FAM227B: variants seen among roughly 807,000 people sequenced by gnomAD.
FAM227B encodes protein FAM227B.
A neutral mutation model predicts 73.8 loss-of-function variants in FAM227B; 88 were observed. That is an observed-to-expected ratio of 1.19 (90% CI 1.00 to 1.42). The LOEUF (loss-of-function observed/expected upper bound fraction) is 1.42. Ranked by LOEUF, FAM227B falls within the 40% of genes most tolerant of loss-of-function variation. The pLI is 0.00. For synonymous variants in FAM227B, 210 were observed against 190.5 expected, an observed-to-expected ratio of 1.10 and a Z score of -0.84; for missense variants, 632 against 590.9, an observed-to-expected ratio of 1.07 and a Z score of -0.72.
chr15:49,523,400 C>T (rs2059925020), intron 10 of FAM227B, among the ~76,000 whole-genome samples: 1 of 152,178 alleles, frequency 6.6e-6, no homozygotes, highest in Admixed American at 6.5e-5. Flanking sequence ...TCTCTCTTTG[C>T]CTGCTGCCAT....
chr15:49,462,704 C>T (rs569894136), intron 11 of FAM227B, among the ~76,000 whole-genome samples: 67 of 152,198 alleles, frequency 4.4e-4, no homozygotes, highest in African/African-American at 1.6e-3. Flanking sequence ...TTCTCTCATT[C>T]AATTTATTTT....
chr15:49,371,811 AAATG>A (rs2045836357), intron 11 of FAM227B, among the ~76,000 whole-genome samples: 4 of 142,124 alleles, frequency 2.8e-5, no homozygotes, highest in Admixed American at 2.8e-4. Flanking sequence ...ACTTATAAAT[AAATG>A]AAATAAAATT....
intron 11 of FAM227B, among the ~76,000 whole-genome samples, chr15:49,405,877 C>T (rs114406202): frequency 0.023 from 3,437 of 152,226 alleles, 100 homozygotes; most frequent in South Asian, 0.078. Flanking sequence ...TTTTTGTGGG[C>T]TTATGTTCCT....
intron 11 of FAM227B, among the ~76,000 whole-genome samples, chr15:49,431,344 T>G (rs1336057882): frequency 6.6e-6 from 1 of 151,834 alleles, no homozygotes; most frequent in Non-Finnish European, 1.5e-5. Context: ...TGGACATATC[T>G]TTAGTAGAGA....
At chr15:49,404,823 A>G (rs1043412282) in intron 11 of FAM227B, among the ~76,000 whole-genome samples, 2 of 151,558 alleles carry the variant, frequency 1.3e-5, no homozygotes, top group Admixed American at 1.3e-4. Flanking sequence ...GCTGGTTCGT[A>G]TGGGCGCTTG....
intron 11 of FAM227B, among the ~76,000 whole-genome samples, chr15:49,461,288 CAATT>C (rs2151928485): frequency 6.6e-6 from 1 of 152,272 alleles, no homozygotes; most frequent in South Asian, 2.1e-4. Context: ...AGAGAGCTAA[CAATT>C]TATTTTTTGT....
At chr15:49,427,844 G>C (rs2050260279) in intron 11 of FAM227B, among the ~76,000 whole-genome samples, 1 of 151,960 alleles carries the variant, frequency 6.6e-6, no homozygotes, top group Admixed American at 6.6e-5. Context: ...GGAGGGCATG[G>C]AGAAAGAAAA....
At chr15:49,593,935 G>T (rs1475929548) in intron 3 of FAM227B, among the ~76,000 whole-genome samples, 1 of 151,962 alleles carries the variant, frequency 6.6e-6, no homozygotes, top group African/African-American at 2.4e-5. Context: ...TTTTCCTCTG[G>T]GTACATATCT....
At chr15:49,479,602 T>G (rs1041269662) in intron 11 of FAM227B, among the ~76,000 whole-genome samples, 3 of 66,138 alleles carry the variant, frequency 4.5e-5, no homozygotes, top group Admixed American at 1.9e-4. Flanking sequence ...TACCTCTGTT[T>G]TTTTTTTTTT....
intron 11 of FAM227B, chr15:49,434,613 G>C (rs1328414287): frequency 6.6e-6 from 1 of 151,526 alleles, no homozygotes; most frequent in Non-Finnish European, 1.5e-5. Context: ...AATGAAAAGT[G>C]ATTTAACATC....
At chr15:49,431,123 TTAAG>T (rs1252352095) in intron 11 of FAM227B, among the ~76,000 whole-genome samples, 2 of 151,814 alleles carry the variant, frequency 1.3e-5, no homozygotes, top group South Asian at 2.1e-4. Context: ...TTATGTATAC[TTAAG>T]TAATATGGAG....
At chr15:49,591,140 G>A (rs1335971975) in intron 3 of FAM227B, among the ~76,000 whole-genome samples, 2 of 148,862 alleles carry the variant, frequency 1.3e-5, no homozygotes, top group Non-Finnish European at 3.0e-5. Flanking sequence ...CGCCTCCTGG[G>A]TTCACGCCAT....
rs1405224150 is a variant in FAM227B, at chr15:49,329,635, G to A, written c.1420-960C>T. Reference sequence around the variant, plus strand: ...TTTCATTCTTAGCAGAAAGGTAAATGCTTGAGAAAGCTTGAGTCAAATTTG... The same window carrying A: ...TTTCATTCTTAGCAGAAAGGTAAATACTTGAGAAAGCTTGAGTCAAATTTG... On this transcript the variant is annotated intron_variant, in intron 15 of 15. Transcript: ENST00000299338. 8 of 984,342 alleles carry A rather than the reference G, an allele frequency of 8.1e-6. No individual in the cohort carries two copies. The African/African-American group carries it at 1.4e-4, about 17-fold the overall frequency. The allele number at this position is 984,342 out of a possible 1,614,324, so 61.0% of individuals were successfully genotyped here. A position where few individuals can be genotyped will look rare whatever the true frequency, so the allele number is the denominator to read the frequency against.
chr15:49,340,323 G>A (rs1053492276), intron 13 of FAM227B, among the ~76,000 whole-genome samples: 4 of 152,154 alleles, frequency 2.6e-5, no homozygotes, highest in East Asian at 3.9e-4. Flanking sequence ...TGGAGTACAC[G>A]GTACAGTCCC....
intron 11 of FAM227B, among the ~76,000 whole-genome samples, chr15:49,406,434 T>C (rs1297053329): frequency 6.6e-6 from 1 of 151,904 alleles, no homozygotes; most frequent in African/African-American, 2.4e-5. Context: ...TGGCACGGTG[T>C]TGGGGCGCTG....
At chr15:49,495,480 C>G (rs938423088) in intron 11 of FAM227B, among the ~76,000 whole-genome samples, 3 of 152,236 alleles carry the variant, frequency 2.0e-5, no homozygotes, top group Non-Finnish European at 4.4e-5. Flanking sequence ...AACAATATGA[C>G]TTAACAAATT....
intron 10 of FAM227B, among the ~76,000 whole-genome samples, chr15:49,537,314 T>C (rs774958180): frequency 9.2e-5 from 14 of 151,986 alleles, no homozygotes; most frequent in Non-Finnish European, 1.9e-4. Context: ...GACACAGAAG[T>C]ATATGAAAAG....
intron 10 of FAM227B, among the ~76,000 whole-genome samples, chr15:49,520,774 A>G (rs11636378): frequency 0.32 from 48,511 of 151,986 alleles, 8,373 homozygotes; most frequent in African/African-American, 0.43. Flanking sequence ...TGACACATGG[A>G]AGCTACAGTT....
chr15:49,332,058 C>G (rs2038866918), intron 14 of FAM227B, among the ~76,000 whole-genome samples: 1 of 150,864 alleles, frequency 6.6e-6, no homozygotes, highest in Non-Finnish European at 1.5e-5. Context: ...TAGGTTCAGA[C>G]ACCCACCCCC....
Sources: allele counts gnomAD v4.1 joint callset (sites outside exome capture counted in the v4.1 genomes callset), GRCh38; gene constraint gnomAD v4.1.1; transcripts MANE v1.5; gene names NCBI Gene and HGNC (gene_info 2026-07-23, HGNC 2026-07-21).